The following ARHGAP26 variants were observed in gnomAD, a reference collection of about 807,000 sequenced individuals.
ARHGAP26 encodes Rho GTPase activating protein 26.
A neutral mutation model predicts 104.8 loss-of-function variants in ARHGAP26; 38 were observed. That is an observed-to-expected ratio of 0.36 (90% CI 0.28 to 0.48). The LOEUF (loss-of-function observed/expected upper bound fraction) is 0.48, where lower values mean the gene tolerates loss of function less well. Ranked by LOEUF, ARHGAP26 falls within the 20% of genes least tolerant of loss-of-function variation. The probability of loss-of-function intolerance (pLI) is 0.99; values close to 1 mark genes in which losing one functional copy is unlikely to be tolerated. For missense variants in ARHGAP26, 704 were observed against 947.9 expected, an observed-to-expected ratio of 0.74 and a Z score of 3.38; for synonymous variants, 341 against 340.0, an observed-to-expected ratio of 1.00 and a Z score of -0.03.
chr5:143,091,252 T>C (rs1262127040), intron 17 of ARHGAP26, among the ~76,000 whole-genome samples: 5 of 152,182 alleles, frequency 3.3e-5, no homozygotes, highest in Admixed American at 3.3e-4. Flanking sequence ...CAAGGTAGGG[T>C]CCTTCCCAGG....
In ARHGAP26 at chr5:142,770,654, G is replaced by C. The variant is rs991525573; in HGVS notation, c.-108G>C. On this transcript the variant is annotated 5_prime_UTR_variant, in exon 1 of 23. Transcript: ENST00000645722. ...GAGCCAGCGCCACACCTGTGGAGCC[G>C]GCGGCCGTCGGGGGAGCCGGCCGGG... 1 of 830,966 alleles carries C rather than the reference G, an allele frequency of 1.2e-6. No homozygotes were observed. Among genetic ancestry groups the C allele is most frequent in the African/African-American group, 1.8e-5 (1 of 54,276 alleles). 51.5% of individuals were successfully genotyped at this position (830,966 alleles called of 1,614,324 possible).
chr5:143,011,120 T>G (rs1264384419), intron 11 of ARHGAP26: 7 of 152,468 alleles, frequency 4.6e-5, no homozygotes, highest in African/African-American at 1.7e-4. Flanking sequence ...TTGCACTGAT[T>G]GCTAATCACA....
At chr5:142,868,911 C>G (rs900326492) in intron 1 of ARHGAP26, 1 of 152,568 alleles carries the variant, frequency 6.6e-6, no homozygotes, top group Non-Finnish European at 1.5e-5. Flanking sequence ...TCCTTGCCCG[C>G]TCACATCGTA....
intron 17 of ARHGAP26, among the ~76,000 whole-genome samples, chr5:143,110,766 G>A (rs1470351592): frequency 2.0e-5 from 3 of 152,206 alleles, no homozygotes; most frequent in African/African-American, 7.2e-5. Flanking sequence ...CAGGAAGAAA[G>A]GCTTTCTGAG....
chr5:142,863,919 G>A (rs1753802225), intron 1 of ARHGAP26, among the ~76,000 whole-genome samples: 1 of 152,126 alleles, frequency 6.6e-6, no homozygotes, highest in African/African-American at 2.4e-5. Flanking sequence ...CCTCCTATCT[G>A]CGCACCTGCT....
intron 3 of ARHGAP26, 122 bp from the exon 4 acceptor site, chr5:142,879,252 C>T (rs2152383279): frequency 1.1e-6 from 1 of 872,438 alleles, no homozygotes; most frequent in Non-Finnish European, 2.0e-6. Flanking sequence ...TTGACATGTA[C>T]AACACTGCCT....
chr5:142,889,524 A>G (rs903028754), intron 5 of ARHGAP26, among the ~76,000 whole-genome samples: 5 of 152,216 alleles, frequency 3.3e-5, no homozygotes, highest in Middle Eastern at 3.4e-3. Context: ...AGGCTGAGGC[A>G]GGAGAATCAC....
intron 15 of ARHGAP26, among the ~76,000 whole-genome samples, chr5:143,055,115 T>A (rs1785609545): frequency 6.6e-6 from 1 of 152,190 alleles, no homozygotes; most frequent in South Asian, 2.1e-4. Flanking sequence ...TGCCTGCATC[T>A]TAGTTTCATG....
intron 11 of ARHGAP26, among the ~76,000 whole-genome samples, chr5:142,979,715 G>T (rs911509356): frequency 2.6e-5 from 4 of 152,248 alleles, no homozygotes; most frequent in African/African-American, 4.8e-5. Context: ...GGCAAAGAGA[G>T]TATTTGTGTG....
At chr5:142,995,101 A>G (rs1478159652) in intron 11 of ARHGAP26, among the ~76,000 whole-genome samples, 1 of 152,240 alleles carries the variant, frequency 6.6e-6, no homozygotes, top group East Asian at 1.9e-4. Context: ...GGACATAGGC[A>G]TGGGCAAAGA....
chr5:143,193,469 G>A (rs1297759064), intron 20 of ARHGAP26, among the ~76,000 whole-genome samples: 4 of 151,864 alleles, frequency 2.6e-5, no homozygotes, highest in African/African-American at 7.3e-5. Context: ...GGCTGGTCTC[G>A]AACTCCTGAG....
Position 143,176,476 on chromosome 5 carries a change from G to A in ARHGAP26, c.1988+29095G>A, listed in dbSNP as rs1277503961. ...AGCACCATGGCATGTTTGTTTTCGA[G>A]AGTTTTTGTGTCCCTCCTCTGGTTC... is the stretch of plus-strand genomic sequence containing the variant. On this transcript the variant is annotated intron_variant, in intron 20 of 22. Transcript: ENST00000645722. Among the ~76,000 whole-genome samples, 3 of 152,186 alleles carry A rather than the reference G, an allele frequency of 2.0e-5. No homozygotes were observed. The East Asian group carries it at 5.8e-4, about 29-fold the overall frequency.
chr5:143,044,768 A>G (rs899276918), intron 14 of ARHGAP26, among the ~76,000 whole-genome samples: 3 of 152,204 alleles, frequency 2.0e-5, no homozygotes, highest in African/African-American at 2.4e-5. Context: ...GTTGGCTCCA[A>G]TTTGGAGCAT....
At chr5:142,842,853 C>G (rs895443130) in intron 1 of ARHGAP26, among the ~76,000 whole-genome samples, 1 of 152,148 alleles carries the variant, frequency 6.6e-6, no homozygotes, top group Non-Finnish European at 1.5e-5. Context: ...GAATAATTGT[C>G]TTATGTGTGG....
At chr5:142,873,609 G>T in intron 2 of ARHGAP26, 114 bp downstream of exon 2, 1 of 665,636 alleles carries the variant, frequency 1.5e-6, no homozygotes. Flanking sequence ...AAACAAAGAA[G>T]TCCTTAGTGG....
chr5:142,890,151 A>AAAAAAAAAAAATAT (rs1252590997), intron 5 of ARHGAP26, among the ~76,000 whole-genome samples: 2 of 32,424 alleles, frequency 6.2e-5, no homozygotes, highest in African/African-American at 1.2e-4. Context: ...AAAAAAAAAA[A>AAAAAAAAAAAATAT]ATATATATAT....
At position 142,939,424 on chromosome 5, in the gene ARHGAP26, A is replaced by G. The variant is rs116442908; in HGVS notation, c.1107+7299A>G. ...TTCTGCTCACCTCCATTTTAAAGAT[A>G]TCTTCTGTTTTCGTCTTTGTGGACT... is the stretch of plus-strand genomic sequence containing the variant. On this transcript the variant is annotated intron_variant, in intron 11 of 22. Transcript: ENST00000645722. Among the ~76,000 whole-genome samples, 1,190 of 152,274 alleles carry G rather than the reference A, an allele frequency of 7.8e-3. 12 individuals are homozygous for G. The highest frequency in any genetic ancestry group is 9.5e-3 in the Non-Finnish European group (645 of 68,020).
chr5:142,974,171 C>G (rs1301476160), intron 11 of ARHGAP26, among the ~76,000 whole-genome samples: 3 of 151,354 alleles, frequency 2.0e-5, no homozygotes, highest in South Asian at 2.1e-4. Context: ...CGTTGCTATC[C>G]TGTTCCATTT....
At chr5:143,014,272 C>T (rs193206401) in intron 12 of ARHGAP26, 156 bp downstream of exon 12, 10 of 747,592 alleles carry the variant, frequency 1.3e-5, no homozygotes, top group Admixed American at 4.4e-5. Flanking sequence ...CCCAACTTTC[C>T]GCCAGTGACT....
Sources: gnomAD v4.1 joint callset for allele counts (sites outside exome capture counted in the v4.1 genomes callset) on GRCh38, gnomAD v4.1.1 for gene constraint, MANE v1.5 for transcripts, NCBI Gene and HGNC (gene_info 2026-07-23, HGNC 2026-07-21) for gene names.